The following DIXDC1 variants were observed in gnomAD, a reference collection of about 807,000 sequenced individuals.
DIXDC1 encodes the protein DIX domain containing 1.
DIXDC1 carries 64 observed loss-of-function variants against 103.1 expected under a neutral mutation model. That is an observed-to-expected ratio of 0.62 (90% confidence interval 0.51 to 0.76). The LOEUF is 0.76. Among genes scored for constraint, DIXDC1 ranks in the 30% least tolerant of loss-of-function variants. DIXDC1 has a pLI of 0.00. For synonymous variants in DIXDC1, 266 were observed against 298.5 expected (o/e 0.89, Z 1.12); for missense variants, 759 against 834.2 (o/e 0.91, Z 1.11).
chr11:111,997,675 T>C (rs1555175539), intron 17 of DIXDC1, among the ~76,000 whole-genome samples: 1 of 152,226 alleles, frequency 6.6e-6, no homozygotes, highest in Non-Finnish European at 1.5e-5. Flanking sequence ...TAGTGTAAAC[T>C]GCCAATATAA....
intron 17 of DIXDC1, among the ~76,000 whole-genome samples, chr11:112,001,992 G>A (rs1861082749): frequency 6.6e-6 from 1 of 151,942 alleles, no homozygotes; most frequent in Admixed American, 6.6e-5. Flanking sequence ...CCTGACCTTA[G>A]GTGATCTGCC....
At chr11:112,001,953 C>T (rs753781566) in intron 17 of DIXDC1, among the ~76,000 whole-genome samples, 1 of 152,004 alleles carries the variant, frequency 6.6e-6, no homozygotes, top group Non-Finnish European at 1.5e-5. Context: ...GACGGGTTTT[C>T]ACCATGTTGG....
At chr11:112,005,800 C>G (rs890747069) in intron 17 of DIXDC1, among the ~76,000 whole-genome samples, 2 of 152,148 alleles carry the variant, frequency 1.3e-5, no homozygotes, top group African/African-American at 4.8e-5. Context: ...AATATTTCTT[C>G]TTTGCAGTAA....
At chr11:112,006,075 C>T (rs1210848228) in intron 17 of DIXDC1, among the ~76,000 whole-genome samples, 2 of 152,198 alleles carry the variant, frequency 1.3e-5, no homozygotes, top group Non-Finnish European at 2.9e-5. Context: ...ACGGAACACT[C>T]CTCCCCCAAA....
chr11:111,933,708 A>AC (rs1207081231), upstream of DIXDC1, among the ~76,000 whole-genome samples: 1 of 151,560 alleles, frequency 6.6e-6, no homozygotes, highest in Non-Finnish European at 1.5e-5. Flanking sequence ...AAAAAAAAAA[A>AC]AAAGACATTA....
At chr11:111,981,260 G>A (rs1555173213) in intron 6 of DIXDC1, among the ~76,000 whole-genome samples, 2 of 152,220 alleles carry the variant, frequency 1.3e-5, no homozygotes, top group African/African-American at 4.8e-5. Flanking sequence ...AGAGAATAGA[G>A]AGCAGGTCTA....
At chr11:111,978,816 C>T (rs782681612) in intron 5 of DIXDC1, among the ~76,000 whole-genome samples, 1 of 152,192 alleles carries the variant, frequency 6.6e-6, no homozygotes, top group East Asian at 1.9e-4. Context: ...GCAGCTCTTG[C>T]AGGCCGCTTT....
chr11:111,996,955 G>C (rs782757181), intron 17 of DIXDC1, among the ~76,000 whole-genome samples: 4 of 152,116 alleles, frequency 2.6e-5, no homozygotes, highest in Non-Finnish European at 4.4e-5. Context: ...AACCTGCTCC[G>C]TGCCCACTCT....
chr11:112,015,550 C>A (rs375559234), intron 17 of DIXDC1: 1 of 152,220 alleles, frequency 6.6e-6, no homozygotes, highest in African/African-American at 2.4e-5. Flanking sequence ...GCCTGTAATC[C>A]CAACAGTTTG....
rs1241323856 is a variant in DIXDC1 at position 111,937,346 on chromosome 11, T to G, written c.-154T>G. 1.4e-5 allele frequency: 20 copies of G among 1,424,284 alleles called. No individual in the cohort carries two copies. Among genetic ancestry groups the G allele is most frequent in the Non-Finnish European group, 1.8e-5 (20 of 1,091,260 alleles). The allele number at this position is 1,424,284 out of a possible 1,614,324, so 88.2% of individuals were successfully genotyped here. On this transcript the variant is annotated 5_prime_UTR_variant, in exon 1 of 20. Transcript: ENST00000440460. ...AGCATGCCCAGTGCAAGCCGCTAGTTTGGCTCCAGTCTAGGTTTCCAGTAA... is the reference window on the plus strand; with the variant it reads ...AGCATGCCCAGTGCAAGCCGCTAGTGTGGCTCCAGTCTAGGTTTCCAGTAA...
chr11:111,972,185 G>T (rs1245435710), intron 3 of DIXDC1, among the ~76,000 whole-genome samples: 4 of 152,054 alleles, frequency 2.6e-5, no homozygotes, highest in African/African-American at 9.7e-5. Flanking sequence ...ATATTTAAAG[G>T]CTACAAAGCT....
chr11:111,964,620 G>A lies in DIXDC1; in HGVS notation c.132G>A (p.Gln44=). 1.2e-6 allele frequency: 2 copies of A among 1,612,348 alleles called. No homozygotes were observed. The highest frequency in any genetic ancestry group is 1.7e-6 in the Non-Finnish European group (2 of 1,179,302). Residue 44 remains glutamine (Q), a synonymous_variant, in exon 2 of 20, where the codon CAG becomes CAA. Coordinates refer to ENST00000440460, the MANE Select transcript of DIXDC1 (RefSeq NM_001037954.4). ...LKKRPAVKPV[Q]DLRQDLRDGV... ...AGAGGCCAGCAGTGAAGCCTGTGCAGGACCTGCGACAAGATCTCCGGGATG... is the reference window on the plus strand; with the variant it reads ...AGAGGCCAGCAGTGAAGCCTGTGCAAGACCTGCGACAAGATCTCCGGGATG...
chr11:111,974,998 T>C lies in DIXDC1; in HGVS notation c.656+15T>C. ...AGCTGCTCCAGGTAACTGTGGCCTC[T>C]GAAACCTGAATTCTGGAGGATTCTC... On this transcript the variant is annotated intron_variant, in intron 5 of 19. Coordinates refer to ENST00000440460, the MANE Select transcript of DIXDC1 (RefSeq NM_001037954.4). The C allele has an allele frequency of 6.2e-7, 1 of 1,604,412 alleles. No individual in the cohort carries two copies. Among genetic ancestry groups the C allele is most frequent in the Non-Finnish European group, 8.5e-7 (1 of 1,175,998 alleles).
chr11:111,978,758 A>G lies in DIXDC1; in HGVS notation c.657-1979A>G, dbSNP rs968218729. ...AGTCAGAGGATGGAACATGTCATCC[A>G]TAGCACCTTGTCAGATGAGAAAGTG... is the stretch of plus-strand genomic sequence containing the variant. On this transcript the variant is annotated intron_variant, in intron 5 of 19. Coordinates refer to ENST00000440460, the MANE Select transcript of DIXDC1 (RefSeq NM_001037954.4). Among the ~76,000 whole-genome samples the G allele has an allele frequency of 1.3e-4, 20 of 152,382 alleles. No homozygotes were observed. In the South Asian group the frequency reaches 3.5e-3, roughly 27 times the overall value.
Position 111,976,685 on chromosome 11 carries a change from C to T in DIXDC1, c.656+1702C>T, listed in dbSNP as rs587646785. 3.3e-5 allele frequency among the ~76,000 whole-genome samples: 5 copies of T among 152,176 alleles called. No homozygotes were observed. In the East Asian group the frequency reaches 5.8e-4, roughly 18 times the overall value. ...GCCCCCAGATGTGGCTTGCTCAGGA[C>T]GGGAGTGGCTCAGAAGGAAGGATAG... On this transcript the variant is annotated intron_variant, in intron 5 of 19. Transcript: ENST00000440460. This position sits in a 1 kb window ranked among gnomAD's most constrained non-coding sequence, Gnocchi z 4.3.
intron 17 of DIXDC1, among the ~76,000 whole-genome samples, chr11:112,013,740 T>A (rs1861502212): frequency 6.6e-6 from 1 of 152,160 alleles, no homozygotes; most frequent in South Asian, 2.1e-4. Context: ...TCATCATGTG[T>A]CAGATTGTTT....
In DIXDC1 at chr11:112,018,143, T is replaced by A. The variant is rs587651310; in HGVS notation, c.1971+258T>A. Among the ~76,000 whole-genome samples, 3 of 152,376 alleles carry A rather than the reference T, an allele frequency of 2.0e-5. No homozygotes were observed. In the East Asian group the frequency reaches 5.8e-4, roughly 29 times the overall value. ...TAATTTTTATTTTAAATTATTTTGT[T>A]AGGGAAAATAAAGAACCTAAGACAA... On this transcript the variant is annotated intron_variant, in intron 19 of 19. Transcript: ENST00000440460.
intron 1 of DIXDC1, among the ~76,000 whole-genome samples, chr11:111,940,070 G>A (rs1966367631): frequency 6.6e-6 from 1 of 152,196 alleles, no homozygotes; most frequent in Non-Finnish European, 1.5e-5. Context: ...CACAGGGAAT[G>A]GAGCTTTGGC....
chr11:111,949,333 C>G lies in DIXDC1; in HGVS notation c.60+11774C>G, dbSNP rs1966699068. Among the ~76,000 whole-genome samples, 5 of 152,184 alleles carry G rather than the reference C, an allele frequency of 3.3e-5. No individual in the cohort carries two copies. The South Asian group carries it at 1.0e-3, about 31-fold the overall frequency. On this transcript the variant is annotated intron_variant, in intron 1 of 19. Transcript: ENST00000440460. ...GACTCTCTCAAAACCGAGCCATTGA[C>G]TTTTCCCAGTGCTTGTTCTTCATGT...
Sources: allele counts gnomAD v4.1 joint callset (sites outside exome capture counted in the v4.1 genomes callset), GRCh38; gene constraint gnomAD v4.1.1; non-coding constraint Gnocchi (gnomAD v3.1); transcripts MANE v1.5; gene names NCBI Gene and HGNC (gene_info 2026-07-23, HGNC 2026-07-21).